Variants in ERC2 observed in about 807,000 individuals in gnomAD.
ERC2 encodes ELKS/RAB6-interacting/CAST family member 2.
In ERC2, 42 loss-of-function variants were observed where a neutral mutation model predicts 114.8. The ratio of observed to expected loss-of-function variants is 0.37; its 90% CI spans 0.29 to 0.47. ERC2 has a LOEUF of 0.47. Among genes scored for constraint, ERC2 ranks in the 20% least tolerant of loss-of-function variants. The probability of loss-of-function intolerance (pLI) is 0.99; values close to 1 mark genes in which losing one functional copy is unlikely to be tolerated. For synonymous variants in ERC2, 454 were observed against 425.5 expected (o/e 1.07, Z -0.82); for missense variants, 939 against 1,150.7 (o/e 0.82, Z 2.66).
chr3:55,908,265 A>C (rs1408828453), intron 13 of ERC2, among the ~76,000 whole-genome samples: 2 of 152,218 alleles, frequency 1.3e-5, no homozygotes, highest in African/African-American at 4.8e-5. Flanking sequence ...AGAGAAAAAT[A>C]TCCTGCCTGA....
intron 5 of ERC2, 129 bp from the exon 6 acceptor site, chr3:56,139,805 T>C (rs2080743664): frequency 9.5e-7 from 1 of 1,054,790 alleles, no homozygotes; most frequent in Admixed American, 2.6e-5. Context: ...GCCACGAATT[T>C]GCTTAAAAAA....
chr3:55,932,791 A>G (rs2066181871), intron 13 of ERC2, among the ~76,000 whole-genome samples: 1 of 152,218 alleles, frequency 6.6e-6, no homozygotes, highest in African/African-American at 2.4e-5. Context: ...TTTTCAGCGA[A>G]TACTCAGCTA....
At chr3:56,461,382 G>A (rs1340977128) in intron 1 of ERC2, among the ~76,000 whole-genome samples, 1 of 152,200 alleles carries the variant, frequency 6.6e-6, no homozygotes, top group Non-Finnish European at 1.5e-5. Context: ...CAGTTGACGG[G>A]AAGCTGTGTT....
chr3:55,674,831 C>A (rs752969582), intron 17 of ERC2, among the ~76,000 whole-genome samples: 5 of 152,080 alleles, frequency 3.3e-5, no homozygotes, highest in Non-Finnish European at 5.9e-5. Flanking sequence ...TTAAAGCTAC[C>A]CTTGCCCTTC....
intron 12 of ERC2, among the ~76,000 whole-genome samples, chr3:55,977,667 T>C (rs1005008601): frequency 6.6e-6 from 1 of 152,122 alleles, no homozygotes; most frequent in African/African-American, 2.4e-5. Context: ...AGAGGACGAG[T>C]GGTAAAATCT....
At chr3:55,544,742 CAACA>C (rs2054625150) in intron 17 of ERC2, among the ~76,000 whole-genome samples, 1 of 152,126 alleles carries the variant, frequency 6.6e-6, no homozygotes, top group South Asian at 2.1e-4. Context: ...GGACAAAATA[CAACA>C]ATCACTATCA....
intron 17 of ERC2, among the ~76,000 whole-genome samples, chr3:55,525,567 G>A (rs1296659223): frequency 6.6e-6 from 1 of 152,192 alleles, no homozygotes; most frequent in African/African-American, 2.4e-5. Flanking sequence ...AACCATCTGA[G>A]CAGAAAGCAG....
chr3:55,781,466 C>T (rs934698032), intron 14 of ERC2, among the ~76,000 whole-genome samples: 1 of 151,954 alleles, frequency 6.6e-6, no homozygotes, highest in Non-Finnish European at 1.5e-5. Flanking sequence ...TTTTCAAGTT[C>T]ATAGTGCATT....
intron 7 of ERC2, among the ~76,000 whole-genome samples, chr3:56,053,019 A>G (rs1677753828): frequency 6.6e-6 from 1 of 152,190 alleles, no homozygotes; most frequent in Non-Finnish European, 1.5e-5. Flanking sequence ...AGCTGAACAC[A>G]TGGCAAGCTG....
chr3:56,027,262 C>T (rs1006191054), intron 7 of ERC2, among the ~76,000 whole-genome samples: 1 of 152,252 alleles, frequency 6.6e-6, no homozygotes, highest in Non-Finnish European at 1.5e-5. Context: ...TACAAATAAA[C>T]GACTATGAAC....
At chr3:55,864,012 T>C (rs2062142500) in intron 14 of ERC2, among the ~76,000 whole-genome samples, 1 of 150,786 alleles carries the variant, frequency 6.6e-6, no homozygotes, top group African/African-American at 2.4e-5. Flanking sequence ...GTTGTCATTA[T>C]AGCAGGATGA....
chr3:55,856,744 T>C (rs1034509214), intron 14 of ERC2, among the ~76,000 whole-genome samples: 4 of 152,188 alleles, frequency 2.6e-5, no homozygotes, highest in Non-Finnish European at 5.9e-5. Context: ...TTATTCATAA[T>C]AGCTAAAGAG....
At chr3:55,564,957 C>T (rs1287171651) in intron 17 of ERC2, among the ~76,000 whole-genome samples, 1 of 152,198 alleles carries the variant, frequency 6.6e-6, no homozygotes, top group East Asian at 1.9e-4. Context: ...ACGAAAGCAA[C>T]CATGCATAAT....
chr3:55,616,509 C>T (rs560682934), intron 17 of ERC2, among the ~76,000 whole-genome samples: 174 of 150,974 alleles, frequency 1.2e-3, no homozygotes, highest in African/African-American at 3.9e-3. Context: ...AATATACACA[C>T]ATATATATAT....
intron 11 of ERC2, 111 bp from the exon 12 acceptor site, chr3:55,986,099 C>G: frequency 9.9e-7 from 1 of 1,013,126 alleles, no homozygotes; most frequent in Non-Finnish European, 1.5e-6. Context: ...ATATAGCCAA[C>G]AGATGTTATA....
intron 2 of ERC2, chr3:56,433,887 T>G (rs1559496516): frequency 1.2e-5 from 2 of 166,550 alleles, no homozygotes; most frequent in Non-Finnish European, 2.6e-5. Flanking sequence ...ACAACTTCAC[T>G]CATTCTAGTG....
intron 14 of ERC2, among the ~76,000 whole-genome samples, chr3:55,883,044 A>G (rs2149308440): frequency 6.6e-6 from 1 of 152,336 alleles, no homozygotes; most frequent in East Asian, 1.9e-4. Context: ...TCATTTTACT[A>G]AAATGCAAGC....
intron 3 of ERC2, among the ~76,000 whole-genome samples, chr3:56,218,561 C>G (rs1275186878): frequency 6.6e-6 from 1 of 152,188 alleles, no homozygotes; most frequent in South Asian, 2.1e-4. Flanking sequence ...ACTAGTTCAA[C>G]CATTGTAGAA....
chr3:56,242,354 G>A (rs2051379964), intron 3 of ERC2, among the ~76,000 whole-genome samples: 1 of 151,968 alleles, frequency 6.6e-6, no homozygotes, highest in African/African-American at 2.4e-5. Context: ...CTACATATTG[G>A]GTACAGTGTA....
Sources: gnomAD v4.1 joint callset for allele counts (sites outside exome capture counted in the v4.1 genomes callset) on GRCh38, gnomAD v4.1.1 for gene constraint, MANE v1.5 for transcripts, NCBI Gene and HGNC (gene_info 2026-07-23, HGNC 2026-07-21) for gene names.